The following UBE4B variants were observed in gnomAD, a reference collection of about 807,000 sequenced individuals.
The protein encoded by UBE4B is ubiquitination factor E4B.
A neutral mutation model predicts 148.1 loss-of-function variants in UBE4B; 27 were observed. The ratio of observed to expected loss-of-function variants is 0.18; its 90% CI spans 0.13 to 0.25. UBE4B has a LOEUF of 0.25. Ranked by LOEUF, UBE4B falls within the 10% of genes least tolerant of loss-of-function variation. The pLI is 1.00. For synonymous variants in UBE4B, 596 were observed against 619.3 expected, an observed-to-expected ratio of 0.96 and a Z score of 0.56; for missense variants, 1,170 against 1,662.4, an observed-to-expected ratio of 0.70 and a Z score of 5.15.
chr1:10,174,759 T>A lies in UBE4B; in HGVS notation c.3525+3430T>A, dbSNP rs545247359. Reference sequence around the variant, plus strand: ...TCCTTTCACAGTGTGGTGTGTGTGCTGATTGTTGGGTATTTTCTATTTATA... The same window carrying A: ...TCCTTTCACAGTGTGGTGTGTGTGCAGATTGTTGGGTATTTTCTATTTATA... On this transcript the variant is annotated intron_variant, in intron 25 of 27. Coordinates refer to ENST00000343090, the MANE Select transcript of UBE4B (RefSeq NM_001105562.3). 2.7e-5 allele frequency among the ~76,000 whole-genome samples: 4 copies of A among 150,624 alleles called. No homozygotes were observed. In the East Asian group the frequency reaches 7.9e-4, roughly 30 times the overall value.
At chr1:10,123,427 C>CAAAAA (rs34527607) in intron 10 of UBE4B, among the ~76,000 whole-genome samples, 1 of 35,666 alleles carries the variant, frequency 2.8e-5, no homozygotes, top group African/African-American at 8.6e-5. Flanking sequence ...AAGACTGTCT[C>CAAAAA]AAAAAAAAAA....
chr1:10,163,519 T>C (rs1223860511), intron 23 of UBE4B: 2 of 151,780 alleles, frequency 1.3e-5, no homozygotes, highest in African/African-American at 4.8e-5. Context: ...AATACAAAAA[T>C]TAGCTGGGTG....
intron 12 of UBE4B, 98 bp downstream of exon 12, chr1:10,129,546 G>A: frequency 3.3e-6 from 4 of 1,225,936 alleles, no homozygotes; most frequent in Non-Finnish European, 4.7e-6. Flanking sequence ...GTCTCTTGAA[G>A]GACATTTAGG....
chr1:10,101,309 G>A (rs909876505), intron 4 of UBE4B, 114 bp downstream of exon 4: 171 of 933,938 alleles, frequency 1.8e-4, no homozygotes, highest in South Asian at 2.3e-4. Context: ...TCCTAGGCAG[G>A]TGATTATTTT....
In UBE4B at chr1:10,136,852, G is replaced by A. The variant is rs9804105; in HGVS notation, c.2225-215G>A. On this transcript the variant is annotated intron_variant, in intron 16 of 27. Transcript: ENST00000343090. ...GGAGAATCACTTGAACCTGGGAGGC[G>A]GAATTTGCAGTAAGCCAAGATCGTG... 1.4e-3 allele frequency among the ~76,000 whole-genome samples: 214 copies of A among 152,262 alleles called. 2 individuals are homozygous for A. The highest frequency in any genetic ancestry group is 4.5e-3 in the African/African-American group (189 of 41,546).
intron 4 of UBE4B, among the ~76,000 whole-genome samples, chr1:10,102,706 C>T (rs139275899): frequency 0.011 from 1,711 of 152,018 alleles, 32 homozygotes; most frequent in Admixed American, 0.015. Context: ...CCACCACGCC[C>T]GGCCATCTTT....
intron 1 of UBE4B, among the ~76,000 whole-genome samples, chr1:10,040,061 A>G (rs1319088269): frequency 1.3e-5 from 2 of 151,906 alleles, no homozygotes; most frequent in Admixed American, 1.3e-4. Flanking sequence ...GGAGAAGGAT[A>G]GATAAGGGTT....
At chr1:10,056,713 C>T (rs189517928) in intron 1 of UBE4B, among the ~76,000 whole-genome samples, 5 of 152,296 alleles carry the variant, frequency 3.3e-5, no homozygotes, top group East Asian at 3.9e-4. Context: ...TCCTGGCCAG[C>T]GCTAGCTACG....
At position 10,161,700 on chromosome 1, in the gene UBE4B, T is replaced by C. The variant is rs1197894051; in HGVS notation, c.3198+414T>C. Among the ~76,000 whole-genome samples, 1 of 152,122 alleles carries C rather than the reference T, an allele frequency of 6.6e-6. No individual in the cohort carries two copies. Among genetic ancestry groups the C allele is most frequent in the Non-Finnish European group, 1.5e-5 (1 of 68,028 alleles). ...AATCACTCAGGATCCTGGCGGGGTGTTTTTTCCCTTTCAGTTGATCTTGGG... is the reference window on the plus strand; with the variant it reads ...AATCACTCAGGATCCTGGCGGGGTGCTTTTTCCCTTTCAGTTGATCTTGGG... On this transcript the variant is annotated intron_variant, in intron 23 of 27. Transcript: ENST00000343090. This position sits in a 1 kb window ranked among gnomAD's most constrained non-coding sequence, Gnocchi z 4.1.
At chr1:10,079,592 C>T (rs1644643709) in intron 2 of UBE4B, among the ~76,000 whole-genome samples, 1 of 152,180 alleles carries the variant, frequency 6.6e-6, no homozygotes, top group Non-Finnish European at 1.5e-5. Flanking sequence ...AAATGAAAGA[C>T]TTAGCAACTA....
At chr1:10,176,784 C>CTTTTTTTTT (rs946016031) in intron 25 of UBE4B, among the ~76,000 whole-genome samples, 3 of 121,772 alleles carry the variant, frequency 2.5e-5, no homozygotes, top group African/African-American at 6.2e-5. Flanking sequence ...TTTTCTTTTT[C>CTTTTTTTTT]TTTTTTTTTT....
intron 17 of UBE4B, among the ~76,000 whole-genome samples, chr1:10,141,869 C>A (rs1645788042): frequency 6.6e-6 from 1 of 152,148 alleles, no homozygotes; most frequent in African/African-American, 2.4e-5. Flanking sequence ...CATTTGAACT[C>A]TTTGGGTCCC....
Position 10,171,176 on chromosome 1 carries a change from T to C in UBE4B, c.3372T>C (p.Asn1124=). The C allele has an allele frequency of 6.2e-7, 1 of 1,614,174 alleles. No homozygotes were observed. The highest frequency in any genetic ancestry group is 1.7e-5 in the Admixed American group (1 of 60,022). ...GATTGGCTGCAATGCTGAACTTTAA[T>C]CTTCAGCAACTTTGTGGCCCCAAGT... The part of the protein sequence containing the change: ...GPRLAAMLNF[N]LQQLCGPKCR... The change falls in exon 25 of 28, where the codon AAT becomes AAC. Residue 1124 remains asparagine, a synonymous_variant. Coordinates refer to ENST00000343090, the MANE Select transcript of UBE4B (RefSeq NM_001105562.3).
At chr1:10,073,920 A>ATTTTTTTTTTTTTTTTTT (rs947131085) in intron 2 of UBE4B, among the ~76,000 whole-genome samples, 8 of 74,852 alleles carry the variant, frequency 1.1e-4, no homozygotes, top group African/African-American at 1.7e-4. Context: ...CTTTCTTTCT[A>ATTTTTTTTTTTTTTTTTT]TTTTTTTTTT....
intron 1 of UBE4B, 108 bp from the exon 2 acceptor site, chr1:10,071,920 G>A (rs1465717510): frequency 9.6e-7 from 1 of 1,044,480 alleles, no homozygotes; most frequent in Non-Finnish European, 1.3e-6. Context: ...TTTGCTGAAG[G>A]CATATTGAGT....
At chr1:10,059,771 T>C (rs1644250523) in intron 1 of UBE4B, 1 of 152,434 alleles carries the variant, frequency 6.6e-6, no homozygotes, top group South Asian at 2.1e-4. Context: ...TCCGAAGTTG[T>C]TGAGCGTATC....
chr1:10,063,365 C>G (rs1644323866), intron 1 of UBE4B, among the ~76,000 whole-genome samples: 1 of 152,144 alleles, frequency 6.6e-6, no homozygotes, highest in Admixed American at 6.5e-5. Context: ...TAATCATAAC[C>G]CATCTTCTTA....
intron 2 of UBE4B, among the ~76,000 whole-genome samples, chr1:10,083,902 T>A (rs1644723310): frequency 6.6e-6 from 1 of 152,208 alleles, no homozygotes; most frequent in Non-Finnish European, 1.5e-5. Flanking sequence ...CTAATTACTT[T>A]GTGAATCTGG....
At chr1:10,120,400 G>A (rs1440450301) in intron 9 of UBE4B, among the ~76,000 whole-genome samples, 1 of 152,210 alleles carries the variant, frequency 6.6e-6, no homozygotes. Context: ...GCATGTGCCT[G>A]TAATCCCAGC....
Sources: gnomAD v4.1 joint callset for allele counts (sites outside exome capture counted in the v4.1 genomes callset) on GRCh38, gnomAD v4.1.1 for gene constraint, Gnocchi (gnomAD v3.1) non-coding constraint, MANE v1.5 for transcripts, NCBI Gene and HGNC (gene_info 2026-07-23, HGNC 2026-07-21) for gene names.